MTDH: variants seen among roughly 807,000 people sequenced by gnomAD.
The protein encoded by MTDH is protein LYRIC.
Under a neutral mutation model 72.7 loss-of-function variants are expected in MTDH, and 34 were observed. That is an observed-to-expected ratio of 0.47 (90% CI 0.36 to 0.62). The LOEUF is 0.62. MTDH is among the 20% of genes least tolerant of loss of function. The probability of loss-of-function intolerance (pLI) is 0.00; values close to 1 mark genes in which losing one functional copy is unlikely to be tolerated. For missense variants in MTDH, 677 were observed against 699.4 expected, an observed-to-expected ratio of 0.97 and a Z score of 0.36; for synonymous variants, 266 against 268.9, an observed-to-expected ratio of 0.99 and a Z score of 0.10.
In MTDH at chr8:97,727,357, G is replaced by A. The variant is rs1484274452; in HGVS notation, c.*2687G>A. ...TCTACAAAATTTGCAAAAAGTAGATGGGTGTGGTAGTGGGCGCCTGTAATC... is the reference window on the plus strand; with the variant it reads ...TCTACAAAATTTGCAAAAAGTAGATAGGTGTGGTAGTGGGCGCCTGTAATC... On this transcript the variant is annotated 3_prime_UTR_variant, in exon 12 of 12. Coordinates refer to ENST00000336273, the MANE Select transcript of MTDH (RefSeq NM_178812.4). The A allele has an allele frequency of 6.6e-6, 1 of 152,042 alleles. No individual in the cohort carries two copies. Among genetic ancestry groups the A allele is most frequent in the Non-Finnish European group, 1.5e-5 (1 of 68,092 alleles). 9.4% of individuals were successfully genotyped at this position (152,042 alleles called of 1,614,324 possible). A position where few individuals can be genotyped will look rare whatever the true frequency, so the allele number is the denominator to read the frequency against.
At chr8:97,682,379 A>T (rs1307176738) in intron 2 of MTDH, among the ~76,000 whole-genome samples, 1 of 130,516 alleles carries the variant, frequency 7.7e-6, no homozygotes, top group African/African-American at 3.0e-5. Context: ...GCTCACTGCA[A>T]CCTCCGCCTC....
At position 97,644,846 on chromosome 8, in the gene MTDH, CAGA is replaced by C. The variant is rs753980751; in HGVS notation, c.351_353del (p.Lys117del). 141 of 1,576,620 alleles carry C rather than the reference CAGA, an allele frequency of 8.9e-5. No individual in the cohort carries two copies. The highest frequency in any genetic ancestry group is 1.0e-4 in the Non-Finnish European group (122 of 1,168,896). On this transcript the variant is annotated inframe_deletion, in exon 1 of 12. Coordinates refer to ENST00000336273, the MANE Select transcript of MTDH (RefSeq NM_178812.4). The stretch of plus-strand genomic sequence containing the variant: ...GCTGAAGAATCTCCGGAGCGAGGAA[CAGA>C]AGAAGAAGAACCGGAAGAAACTGTC...
rs77950822 is a variant in MTDH, at chr8:97,729,088, T to G, written c.*4418T>G. ...GTACACACCACCATGCCTGGCTAAA[T>G]TTTTTTTTTTTTTTTTTGGTAGAGA... On this transcript the variant is annotated 3_prime_UTR_variant, in exon 12 of 12. Coordinates refer to ENST00000336273, the MANE Select transcript of MTDH (RefSeq NM_178812.4). Among the ~76,000 whole-genome samples, 1 of 26,278 alleles carries G rather than the reference T, an allele frequency of 3.8e-5. No individual in the cohort carries two copies. The highest frequency in any genetic ancestry group is 5.6e-5 in the Non-Finnish European group (1 of 17,976). The allele number at this position is 26,278 out of a possible 152,430, so 17.2% of individuals were successfully genotyped here.
intron 2 of MTDH, among the ~76,000 whole-genome samples, chr8:97,682,290 T>A: frequency 9.0e-5 from 3 of 33,450 alleles, no homozygotes; most frequent in African/African-American, 3.6e-4. Flanking sequence ...ATTTTTTTTT[T>A]TTTTTTTTTT....
At chr8:97,719,005 G>T (rs1457504589) in intron 9 of MTDH, 44 bp from the exon 10 acceptor site, 3 of 1,518,288 alleles carry the variant, frequency 2.0e-6, no homozygotes, top group East Asian at 2.3e-5. Context: ...AATTAATGAA[G>T]AATGAATGCT....
At chr8:97,693,162 AAAG>A (rs1813687465) in intron 6 of MTDH, among the ~76,000 whole-genome samples, 1 of 152,252 alleles carries the variant, frequency 6.6e-6, no homozygotes, top group African/African-American at 2.4e-5. Context: ...ATTTATACTC[AAAG>A]CATCAGTATA....
chr8:97,680,469 T>A (rs1487411820), intron 2 of MTDH, among the ~76,000 whole-genome samples: 1 of 152,210 alleles, frequency 6.6e-6, no homozygotes, highest in Non-Finnish European at 1.5e-5. Context: ...ATTTAACTCA[T>A]TCCTCTTTTA....
At chr8:97,667,724 G>A (rs1312638094) in intron 2 of MTDH, among the ~76,000 whole-genome samples, 3 of 151,370 alleles carry the variant, frequency 2.0e-5, no homozygotes, top group Non-Finnish European at 4.4e-5. Flanking sequence ...TGGTGCAGTA[G>A]CTCACACCTG....
intron 2 of MTDH, among the ~76,000 whole-genome samples, chr8:97,685,591 C>T (rs1274538342): frequency 6.6e-6 from 1 of 151,918 alleles, no homozygotes; most frequent in African/African-American, 2.4e-5. Context: ...GAAGCCCTGT[C>T]TCTACTAAAA....
At position 97,668,717 on chromosome 8, in the gene MTDH, G is replaced by T. The variant is rs371365352; in HGVS notation, c.483+7544G>T. 1.6e-4 allele frequency among the ~76,000 whole-genome samples: 24 copies of T among 151,970 alleles called. No homozygotes were observed. In the East Asian group the frequency reaches 4.5e-3, roughly 28 times the overall value. The stretch of plus-strand genomic sequence containing the variant: ...TTACAGGCGCCCACCATGACGCCTG[G>T]CTAATTTTTGTATTTTTAATAGAGA... On this transcript the variant is annotated intron_variant, in intron 2 of 11. Transcript: ENST00000336273.
chr8:97,697,150 A>ATATATATATTTTTTTTTTTTTT, intron 6 of MTDH, among the ~76,000 whole-genome samples: 4 of 68,786 alleles, frequency 5.8e-5, no homozygotes, highest in Admixed American at 1.6e-4. Flanking sequence ...ATATATATAT[A>ATATATATATTTTTTTTTTTTTT]TTTTTTTTTT....
At chr8:97,687,880 CG>C (rs1813430197) in intron 4 of MTDH, among the ~76,000 whole-genome samples, 1 of 152,120 alleles carries the variant, frequency 6.6e-6, no homozygotes, top group Non-Finnish European at 1.5e-5. Flanking sequence ...TTTTCTAGTG[CG>C]TATCACTTTG....
At chr8:97,650,069 G>A (rs1167867206) in intron 1 of MTDH, among the ~76,000 whole-genome samples, 1 of 151,898 alleles carries the variant, frequency 6.6e-6, no homozygotes, top group African/African-American at 2.4e-5. Context: ...ACGTTCTCCT[G>A]CCTCAGCCTC....
intron 4 of MTDH, among the ~76,000 whole-genome samples, chr8:97,687,847 A>AT (rs923327328): frequency 7.9e-5 from 12 of 152,176 alleles, no homozygotes; most frequent in Non-Finnish European, 1.8e-4. Context: ...GCCTTGAGTC[A>AT]TATGAGAAAA....
At chr8:97,682,700 A>C (rs1272711975) in intron 2 of MTDH, among the ~76,000 whole-genome samples, 2 of 152,062 alleles carry the variant, frequency 1.3e-5, no homozygotes, top group Non-Finnish European at 2.9e-5. Context: ...AAATCCCCAG[A>C]TATTTCCTTG....
At chr8:97,702,092 A>C (rs1814153920) in intron 7 of MTDH, among the ~76,000 whole-genome samples, 1 of 152,228 alleles carries the variant, frequency 6.6e-6, no homozygotes, top group African/African-American at 2.4e-5. Context: ...TTTAGATTAC[A>C]AATCCACAAA....
At chr8:97,650,960 G>C (rs1167709904) in intron 1 of MTDH, among the ~76,000 whole-genome samples, 1 of 152,178 alleles carries the variant, frequency 6.6e-6, no homozygotes, top group East Asian at 1.9e-4. Flanking sequence ...TAGTCATTCA[G>C]CAAGTATCTG....
At chr8:97,647,578 T>C (rs554485704) in intron 1 of MTDH, among the ~76,000 whole-genome samples, 2 of 152,194 alleles carry the variant, frequency 1.3e-5, no homozygotes, top group African/African-American at 4.8e-5. Context: ...GTGAGAGGCC[T>C]GAGAAACAAC....
intron 3 of MTDH, 38 bp from the exon 4 acceptor site, chr8:97,687,391 C>A: frequency 1.3e-6 from 2 of 1,540,292 alleles, no homozygotes; most frequent in Non-Finnish European, 1.8e-6. Flanking sequence ...TTTGTCTTCC[C>A]CTTACTGAAT....
Sources: allele counts gnomAD v4.1 joint callset (sites outside exome capture counted in the v4.1 genomes callset), GRCh38; gene constraint gnomAD v4.1.1; transcripts MANE v1.5; gene names NCBI Gene and HGNC (gene_info 2026-07-23, HGNC 2026-07-21).